SHISA9: variants seen among roughly 807,000 people sequenced by gnomAD.
The protein encoded by SHISA9 is protein shisa-9.
Under a neutral mutation model 38.0 loss-of-function variants are expected in SHISA9, and 13 were observed. The ratio of observed to expected loss-of-function variants is 0.34; its 90% CI spans 0.22 to 0.54. The LOEUF (loss-of-function observed/expected upper bound fraction) is 0.54, where lower values mean the gene tolerates loss of function less well. Among genes scored for constraint, SHISA9 ranks in the 20% least tolerant of loss-of-function variants. The pLI is 0.91. For missense variants in SHISA9, 538 were observed against 575.8 expected (o/e 0.93, Z 0.67); for synonymous variants, 275 against 242.0 (o/e 1.14, Z -1.27).
the SHISA9 span, among the ~76,000 whole-genome samples, chr16:13,515,955 G>T: frequency 2.3e-3 from 356 of 152,298 alleles, 1 homozygote; most frequent in African/African-American, 8.2e-3. Context: ...AGAAGAGAAA[G>T]TACACCATAG....
intron 2 of SHISA9, among the ~76,000 whole-genome samples, chr16:12,990,624 C>A (rs2141831952): frequency 6.6e-6 from 1 of 152,274 alleles, no homozygotes; most frequent in South Asian, 2.1e-4. Flanking sequence ...GGACATGTGG[C>A]AATGTCTGAA....
chr16:13,366,820 T>C, the SHISA9 span, among the ~76,000 whole-genome samples: 10 of 151,918 alleles, frequency 6.6e-5, no homozygotes, highest in Admixed American at 2.6e-4. Context: ...CCATCTCTAC[T>C]AAAAATACAA....
At chr16:12,985,427 G>C (rs2072295537) in intron 2 of SHISA9, among the ~76,000 whole-genome samples, 1 of 152,060 alleles carries the variant, frequency 6.6e-6, no homozygotes, top group Non-Finnish European at 1.5e-5. Context: ...TCTGTGAAAA[G>C]AGAAGACTAT....
chr16:13,045,279 C>T (rs2073173962), intron 2 of SHISA9, among the ~76,000 whole-genome samples: 1 of 152,170 alleles, frequency 6.6e-6, no homozygotes, highest in Admixed American at 6.5e-5. Context: ...TGAATGCCTA[C>T]TATGAGGTAG....
At chr16:12,976,803 G>T (rs1337768476) in intron 2 of SHISA9, among the ~76,000 whole-genome samples, 2 of 152,052 alleles carry the variant, frequency 1.3e-5, no homozygotes, top group Admixed American at 1.3e-4. Flanking sequence ...GGCTTTGCCT[G>T]GAATGTCACC....
intron 2 of SHISA9, among the ~76,000 whole-genome samples, chr16:13,056,509 G>T (rs1191844186): frequency 6.6e-6 from 1 of 152,146 alleles, no homozygotes; most frequent in Admixed American, 6.5e-5. Context: ...GTATGGGGAG[G>T]GACACATACA....
chr16:13,150,680 A>G (rs1317116152), intron 2 of SHISA9, among the ~76,000 whole-genome samples: 1 of 152,204 alleles, frequency 6.6e-6, no homozygotes, highest in Admixed American at 6.5e-5. Flanking sequence ...ATTCATCTGC[A>G]CAGCATCATT....
chr16:13,077,198 C>G (rs2073592328), intron 2 of SHISA9, among the ~76,000 whole-genome samples: 1 of 152,038 alleles, frequency 6.6e-6, no homozygotes, highest in East Asian at 1.9e-4. Context: ...TTGGCTTTAT[C>G]TCTGTCTCCT....
intron 2 of SHISA9, among the ~76,000 whole-genome samples, chr16:13,102,665 T>C (rs563899307): frequency 2.0e-4 from 30 of 152,234 alleles, no homozygotes; most frequent in Admixed American, 1.0e-3. Context: ...CCCTCTAGAC[T>C]CCCCTCTCCT....
At chr16:13,443,782 G>T in the SHISA9 span, among the ~76,000 whole-genome samples, 15 of 152,226 alleles carry the variant, frequency 9.9e-5, no homozygotes, top group East Asian at 2.7e-3. Flanking sequence ...CTAATCTAAT[G>T]CCCCTTTATT....
the SHISA9 span, among the ~76,000 whole-genome samples, chr16:13,326,258 G>A: frequency 1.3e-5 from 2 of 152,048 alleles, no homozygotes; most frequent in Admixed American, 6.5e-5. Flanking sequence ...ATGATAACTA[G>A]AAGCATCCTC....
intron 2 of SHISA9, among the ~76,000 whole-genome samples, chr16:13,038,555 G>T (rs1213415851): frequency 6.6e-6 from 1 of 152,166 alleles, no homozygotes; most frequent in Admixed American, 6.5e-5. Context: ...TGCTCCTACT[G>T]ACTAGAACGC....
intron 2 of SHISA9, among the ~76,000 whole-genome samples, chr16:13,159,103 C>T (rs1247380339): frequency 2.6e-5 from 4 of 151,244 alleles, no homozygotes; most frequent in Non-Finnish European, 5.9e-5. Flanking sequence ...AAAAGAAAAC[C>T]CAGCAAAAAC....
chr16:13,154,770 T>C (rs1288267249), intron 2 of SHISA9, among the ~76,000 whole-genome samples: 2 of 152,238 alleles, frequency 1.3e-5, no homozygotes, highest in Non-Finnish European at 2.9e-5. Context: ...TCATGATCCC[T>C]GTAGAGAGTT....
At chr16:13,255,996 GT>G in the SHISA9 span, among the ~76,000 whole-genome samples, 1 of 152,098 alleles carries the variant, frequency 6.6e-6, no homozygotes, top group African/African-American at 2.4e-5. Context: ...TTCCTCACCT[GT>G]CCTGCAACCT....
chr16:13,387,702 A>G, the SHISA9 span, among the ~76,000 whole-genome samples: 2 of 152,150 alleles, frequency 1.3e-5, no homozygotes, highest in South Asian at 2.1e-4. Context: ...GTTGGCCAGG[A>G]TGGTCTTGAT....
the SHISA9 span, among the ~76,000 whole-genome samples, chr16:13,469,320 G>GAA: frequency 7.0e-3 from 433 of 61,550 alleles, 21 homozygotes; most frequent in African/African-American, 0.019. Flanking sequence ...GAGAGAGAGA[G>GAA]AGAAAGAAAG....
At chr16:12,938,951 A>G (rs909863678) in intron 2 of SHISA9, among the ~76,000 whole-genome samples, 1 of 152,180 alleles carries the variant, frequency 6.6e-6, no homozygotes. Flanking sequence ...AGTATGTGCC[A>G]TGTTCCAAGT....
At chr16:13,134,113 G>A (rs1434461548) in intron 2 of SHISA9, among the ~76,000 whole-genome samples, 1 of 152,154 alleles carries the variant, frequency 6.6e-6, no homozygotes, top group East Asian at 1.9e-4. Flanking sequence ...ACGGATTGCT[G>A]CACAACAGCA....
Sources: allele counts gnomAD v4.1 joint callset (sites outside exome capture counted in the v4.1 genomes callset), GRCh38; gene constraint gnomAD v4.1.1; transcripts MANE v1.5; gene names NCBI Gene and HGNC (gene_info 2026-07-23, HGNC 2026-07-21).